POLE2: variants seen among roughly 807,000 people sequenced by gnomAD.
POLE2 encodes DNA polymerase epsilon subunit 2.
In POLE2, 56 loss-of-function variants were observed where a neutral mutation model predicts 79.4. That is an observed-to-expected ratio of 0.71 (90% confidence interval 0.57 to 0.88). The LOEUF (loss-of-function observed/expected upper bound fraction) is 0.88, where lower values mean the gene tolerates loss of function less well. Ranked by LOEUF, POLE2 falls within the 40% of genes least tolerant of loss-of-function variation. POLE2 has a pLI of 0.00. For synonymous variants in POLE2, 212 were observed against 214.0 expected (o/e 0.99, Z 0.08); for missense variants, 598 against 638.9 (o/e 0.94, Z 0.69).
At position 49,688,050 on chromosome 14, in the gene POLE2, G is replaced by T. The variant is rs1301002323; in HGVS notation, c.68+86C>A. On this transcript the variant is annotated intron_variant, in intron 1 of 18. Transcript: ENST00000216367. ...CAAGCCCCCTCTCGGCGCGCGGGGA[G>T]CCGCCGCGGTGCGTCCCGCTGCCGC... The T allele has an allele frequency of 4.3e-6, 5 of 1,154,676 alleles. No individual in the cohort carries two copies. The East Asian group carries it at 1.1e-4, about 26-fold the overall frequency. 71.5% of individuals were successfully genotyped at this position (1,154,676 alleles called of 1,614,324 possible).
intron 17 of POLE2, among the ~76,000 whole-genome samples, chr14:49,647,996 C>T (rs550896474): frequency 6.6e-6 from 1 of 152,278 alleles, no homozygotes; most frequent in African/African-American, 2.4e-5. Flanking sequence ...AAAAAATAAA[C>T]AGACTGTGTA....
intron 10 of POLE2, among the ~76,000 whole-genome samples, chr14:49,659,314 G>A (rs1165051322): frequency 6.6e-6 from 1 of 151,850 alleles, no homozygotes; most frequent in Non-Finnish European, 1.5e-5. Context: ...TGAGGCAGGA[G>A]GAACACTTAT....
Position 49,655,470 on chromosome 14 carries a change from C to T in POLE2, c.928+201G>A, listed in dbSNP as rs1160614007. Among the ~76,000 whole-genome samples the T allele has an allele frequency of 6.6e-6, 1 of 151,766 alleles. No individual in the cohort carries two copies. Among genetic ancestry groups the T allele is most frequent in the African/African-American group, 2.4e-5 (1 of 41,384 alleles). ...TATCATGACTATAAACACACACACA[C>T]ACACACACACACACACACACAGGTT... On this transcript the variant is annotated intron_variant, in intron 11 of 18. Transcript: ENST00000216367.
chr14:49,650,124 G>C, intron 17 of POLE2, 141 bp downstream of exon 17: 2 of 455,096 alleles, frequency 4.4e-6, no homozygotes, highest in Admixed American at 4.4e-5. Context: ...CCAACTTTCT[G>C]TGTATAGAAA....
chr14:49,653,514 T>C (rs1645600477), intron 15 of POLE2, among the ~76,000 whole-genome samples: 1 of 152,252 alleles, frequency 6.6e-6, no homozygotes, highest in South Asian at 2.1e-4. Context: ...ATAGTTAAAC[T>C]ATTTTCAAAG....
chr14:49,681,807 G>T (rs754763553), intron 2 of POLE2: 92 of 144,732 alleles, frequency 6.4e-4, no homozygotes, highest in Non-Finnish European at 1.2e-3. Flanking sequence ...AGGCAACAGA[G>T]TGAGACTCTG....
intron 7 of POLE2, 54 bp from the exon 8 acceptor site, chr14:49,665,217 A>G: frequency 1.3e-6 from 1 of 760,548 alleles, no homozygotes; most frequent in Admixed American, 2.3e-5. Flanking sequence ...AAAACCGTTG[A>G]CAAAAAAATT....
chr14:49,669,452 G>A, intron 6 of POLE2, 72 bp downstream of exon 6: 1 of 795,336 alleles, frequency 1.3e-6, no homozygotes, highest in Non-Finnish European at 2.2e-6. Flanking sequence ...AAAATTCAAT[G>A]AATTAGAATT....
At chr14:49,683,811 T>C (rs899855266) in intron 1 of POLE2, 118 bp from the exon 2 acceptor site, 7 of 577,076 alleles carry the variant, frequency 1.2e-5, no homozygotes, top group Non-Finnish European at 2.1e-5. Context: ...CACTAACTGC[T>C]CTCTTCAAGT....
intron 2 of POLE2, among the ~76,000 whole-genome samples, chr14:49,681,093 C>T (rs1259421187): frequency 1.3e-5 from 2 of 152,118 alleles, no homozygotes; most frequent in South Asian, 2.1e-4. Context: ...AGAGTGAACT[C>T]GGCACTTCTC....
intron 18 of POLE2, among the ~76,000 whole-genome samples, chr14:49,645,279 T>C (rs1471003162): frequency 1.3e-5 from 2 of 152,174 alleles, no homozygotes; most frequent in Non-Finnish European, 2.9e-5. Context: ...TATTGTGTTT[T>C]TAAATAAAAC....
intron 11 of POLE2, 131 bp downstream of exon 11, chr14:49,655,540 T>C (rs9671528): frequency 0.19 from 128,268 of 672,772 alleles, 14,202 homozygotes; most frequent in Admixed American, 0.3. Context: ...GAAATCTAAT[T>C]TAAATTATCT....
intron 10 of POLE2, 47 bp from the exon 11 acceptor site, chr14:49,655,890 T>A (rs1743009915): frequency 1.0e-6 from 1 of 972,334 alleles, no homozygotes. Context: ...CTAGAGATAT[T>A]TTTCTAATAG....
At chr14:49,684,082 A>T (rs1041899465) in intron 1 of POLE2, among the ~76,000 whole-genome samples, 30 of 152,216 alleles carry the variant, frequency 2.0e-4, no homozygotes, top group African/African-American at 7.2e-4. Flanking sequence ...CATATCCTGA[A>T]CATAAGACAC....
intron 10 of POLE2, among the ~76,000 whole-genome samples, chr14:49,658,851 T>G (rs1163629480): frequency 1.3e-5 from 2 of 152,236 alleles, no homozygotes; most frequent in Admixed American, 6.5e-5. Context: ...CTAGTTTATG[T>G]ATTTACTGTA....
At chr14:49,686,913 A>C (rs1398870501) in intron 1 of POLE2, among the ~76,000 whole-genome samples, 2 of 152,130 alleles carry the variant, frequency 1.3e-5, no homozygotes, top group Non-Finnish European at 2.9e-5. Flanking sequence ...CCAACCAAAA[A>C]TCTACACACA....
rs374610522 is a variant in POLE2 at position 49,671,514 on chromosome 14, G to T, written c.418-1916C>A. ...TGCCTATAGTCCCAGCTACTCGGGAGGCTGAGGCAGGAGAATCGCTTGAAC... is the reference window on the plus strand; with the variant it reads ...TGCCTATAGTCCCAGCTACTCGGGATGCTGAGGCAGGAGAATCGCTTGAAC... On this transcript the variant is annotated intron_variant, in intron 5 of 18. Coordinates refer to ENST00000216367, the MANE Select transcript of POLE2 (RefSeq NM_002692.4). 1.1e-3 allele frequency among the ~76,000 whole-genome samples: 171 copies of T among 151,902 alleles called. 1 individual carries two copies. The highest frequency in any genetic ancestry group is 4.0e-3 in the African/African-American group (164 of 41,404).
chr14:49,665,643 T>C (rs960247694), intron 7 of POLE2, among the ~76,000 whole-genome samples: 1 of 151,720 alleles, frequency 6.6e-6, no homozygotes, highest in Non-Finnish European at 1.5e-5. Flanking sequence ...AAAAAGACAC[T>C]TGGTGACTGA....
chr14:49,650,152 C>A, intron 17 of POLE2, 113 bp downstream of exon 17: 1 of 548,738 alleles, frequency 1.8e-6, no homozygotes, highest in African/African-American at 2.0e-5. Flanking sequence ...CAGTGTTTCA[C>A]TAATAGCATA....
Sources: allele counts gnomAD v4.1 joint callset (sites outside exome capture counted in the v4.1 genomes callset), GRCh38; gene constraint gnomAD v4.1.1; transcripts MANE v1.5; gene names NCBI Gene and HGNC (gene_info 2026-07-23, HGNC 2026-07-21).